The following EYS variants were observed in gnomAD, a reference collection of about 807,000 sequenced individuals.
EYS encodes EGF-like photoreceptor maintenance factor, also known as protein eyes shut homolog.
Under a neutral mutation model 282.1 loss-of-function variants are expected in EYS, and 250 were observed. The ratio of observed to expected loss-of-function variants is 0.89; its 90% CI spans 0.80 to 0.98. EYS has a LOEUF of 0.98. Ranked by LOEUF, EYS falls within the 50% of genes least tolerant of loss-of-function variation. EYS has a pLI of 0.00. For missense variants in EYS, 4,016 were observed against 3,709.0 expected (o/e 1.08, Z -2.15); for synonymous variants, 1,355 against 1,282.9 (o/e 1.06, Z -1.20).
At chr6:64,035,676 A>G (rs138812863) in intron 33 of EYS, among the ~76,000 whole-genome samples, 12 of 152,360 alleles carry the variant, frequency 7.9e-5, no homozygotes, top group Non-Finnish European at 1.2e-4. Context: ...CAGTAAGAGG[A>G]CAACCTTCAA....
chr6:65,084,613 A>T (rs1294248461), intron 12 of EYS, among the ~76,000 whole-genome samples: 1 of 152,106 alleles, frequency 6.6e-6, no homozygotes, highest in African/African-American at 2.4e-5. Context: ...GTCAGAGACA[A>T]GGAACCAAAT....
intron 5 of EYS, among the ~76,000 whole-genome samples, chr6:65,487,918 C>A (rs917348082): frequency 1.3e-5 from 2 of 151,992 alleles, no homozygotes; most frequent in Admixed American, 6.6e-5. Context: ...TGTATGTGTC[C>A]AGGAATTTAT....
chr6:65,410,611 T>C (rs1766951933), intron 5 of EYS, among the ~76,000 whole-genome samples: 1 of 151,652 alleles, frequency 6.6e-6, no homozygotes, highest in Non-Finnish European at 1.5e-5. Context: ...TTTTTTTTTT[T>C]TTTTAGATTT....
At chr6:64,209,268 T>C (rs1315609594) in intron 31 of EYS, among the ~76,000 whole-genome samples, 2 of 152,134 alleles carry the variant, frequency 1.3e-5, no homozygotes, top group Non-Finnish European at 2.9e-5. Context: ...CTAGTAATAA[T>C]TATGCTATAT....
intron 35 of EYS, among the ~76,000 whole-genome samples, chr6:63,878,424 C>T (rs917690119): frequency 1.1e-4 from 16 of 152,182 alleles, no homozygotes; most frequent in South Asian, 2.1e-4. Flanking sequence ...CTCGGGGGTC[C>T]GGGACCCACT....
intron 22 of EYS, among the ~76,000 whole-genome samples, chr6:64,771,646 G>A (rs1365659947): frequency 6.6e-6 from 1 of 151,576 alleles, no homozygotes; most frequent in Non-Finnish European, 1.5e-5. Context: ...TTCATCTTAG[G>A]AATTCTGTAA....
chr6:64,619,493 C>T (rs1213178003), intron 23 of EYS, among the ~76,000 whole-genome samples: 3 of 151,870 alleles, frequency 2.0e-5, no homozygotes, highest in African/African-American at 7.3e-5. Flanking sequence ...CAGAAAAGTA[C>T]CAGGGGGATG....
At position 63,957,965 on chromosome 6, in the gene EYS, T is replaced by C. The variant is rs1177359910; in HGVS notation, c.7055+26418A>G. Among the ~76,000 whole-genome samples, 41 of 140,928 alleles carry C rather than the reference T, an allele frequency of 2.9e-4. 8 individuals carry two copies. In the Admixed American group the frequency reaches 3.1e-3, roughly 11 times the overall value. 92.5% of individuals were successfully genotyped at this position (140,928 alleles called of 152,430 possible). Reference sequence around the variant, plus strand: ...ACTGAGAGGCATAAATTTGGGTTGATTTTTAATTAGCAAAGACTTTGAATT... The same window carrying C: ...ACTGAGAGGCATAAATTTGGGTTGACTTTTAATTAGCAAAGACTTTGAATT... On this transcript the variant is annotated intron_variant, in intron 35 of 42. Coordinates refer to ENST00000503581, the MANE Select transcript of EYS (RefSeq NM_001142800.2).
chr6:64,809,319 CAG>C (rs1764527358), intron 22 of EYS, among the ~76,000 whole-genome samples: 1 of 151,750 alleles, frequency 6.6e-6, no homozygotes, highest in African/African-American at 2.4e-5. Context: ...ACTCTGTAAA[CAG>C]AATATAATAA....
At chr6:65,015,607 T>C (rs1206742481) in intron 13 of EYS, among the ~76,000 whole-genome samples, 1 of 152,162 alleles carries the variant, frequency 6.6e-6, no homozygotes, top group African/African-American at 2.4e-5. Flanking sequence ...CTATATTCTC[T>C]TAAATTAATG....
At chr6:64,775,540 G>C (rs1377731745) in intron 22 of EYS, among the ~76,000 whole-genome samples, 1 of 151,936 alleles carries the variant, frequency 6.6e-6, no homozygotes, top group East Asian at 1.9e-4. Flanking sequence ...TATAATCTAA[G>C]AAAGAGATTA....
intron 36 of EYS, among the ~76,000 whole-genome samples, chr6:63,847,115 G>A (rs1344981561): frequency 6.6e-6 from 1 of 152,022 alleles, no homozygotes; most frequent in African/African-American, 2.4e-5. Context: ...ACTCCCTTTT[G>A]AAGTTCATGT....
chr6:64,911,002 C>T (rs997812429), intron 16 of EYS, among the ~76,000 whole-genome samples: 2 of 151,796 alleles, frequency 1.3e-5, no homozygotes, highest in African/African-American at 2.4e-5. Flanking sequence ...TTTACTTAGC[C>T]TACTTATACT....
chr6:64,360,405 C>T (rs112929765), intron 29 of EYS, among the ~76,000 whole-genome samples: 48 of 151,856 alleles, frequency 3.2e-4, no homozygotes, highest in African/African-American at 1.0e-3. Flanking sequence ...TCTACACTAG[C>T]TGAGAAGTTA....
At chr6:64,919,385 G>T (rs779275080) in intron 15 of EYS, among the ~76,000 whole-genome samples, 3 of 149,332 alleles carry the variant, frequency 2.0e-5, no homozygotes, top group Non-Finnish European at 4.4e-5. Flanking sequence ...GGTCAGGCTG[G>T]GCAAACCTTC....
intron 25 of EYS, 54 bp downstream of exon 25, chr6:64,593,063 C>A: frequency 7.7e-7 from 1 of 1,306,770 alleles, no homozygotes; most frequent in Non-Finnish European, 1.0e-6. Flanking sequence ...TATGCTTTTA[C>A]CACACAACTT....
intron 38 of EYS, among the ~76,000 whole-genome samples, chr6:63,788,655 A>T (rs1770428828): frequency 1.4e-5 from 2 of 146,830 alleles, no homozygotes; most frequent in Non-Finnish European, 3.1e-5. Flanking sequence ...ACTTCTTAGC[A>T]CATCTAAGCC....
intron 41 of EYS, chr6:63,744,969 CA>C: frequency 2.3e-6 from 1 of 429,458 alleles, no homozygotes; most frequent in Non-Finnish European, 4.6e-6. Flanking sequence ...TGAAAACCAC[CA>C]AAAATGTTGG....
At position 64,821,732 on chromosome 6, in the gene EYS, C is replaced by T. The variant is rs1037090161; in HGVS notation, c.3165-9G>A. 5 of 1,457,144 alleles carry T rather than the reference C, an allele frequency of 3.4e-6. No homozygotes were observed. The highest frequency in any genetic ancestry group is 2.5e-5 in the East Asian group (1 of 40,086). 90.3% of individuals were successfully genotyped at this position (1,457,144 alleles called of 1,614,324 possible). A position where few individuals can be genotyped will look rare whatever the true frequency, so the allele number is the denominator to read the frequency against. ...TAATAAGTTCTGTGCACCTGAAACA[C>T]AGAATTAGAATTACATTTTCAAATA... On this transcript the variant is annotated splice_polypyrimidine_tract_variant and intron_variant, in intron 20 of 42. Transcript: ENST00000503581.
Sources: allele counts gnomAD v4.1 joint callset (sites outside exome capture counted in the v4.1 genomes callset), GRCh38; gene constraint gnomAD v4.1.1; transcripts MANE v1.5; gene names NCBI Gene and HGNC (gene_info 2026-07-23, HGNC 2026-07-21).